The following NRXN1 variants were observed in gnomAD, a reference collection of about 807,000 sequenced individuals.
The protein encoded by NRXN1 is neurexin-1.
NRXN1 carries 39 observed loss-of-function variants against 150.9 expected under a neutral mutation model. The observed-to-expected ratio is 0.26, with a 90% CI of 0.20 to 0.34. The LOEUF (loss-of-function observed/expected upper bound fraction) is 0.34. Among genes scored for constraint, NRXN1 ranks in the 10% least tolerant of loss-of-function variants. The probability of loss-of-function intolerance (pLI) is 1.00; values close to 1 mark genes in which losing one functional copy is unlikely to be tolerated. For missense variants in NRXN1, 1,815 were observed against 1,949.9 expected, an observed-to-expected ratio of 0.93 and a Z score of 1.30; for synonymous variants, 924 against 757.0, an observed-to-expected ratio of 1.22 and a Z score of -3.62.
At chr2:51,031,451 A>T (rs1671535687) in intron 1 of NRXN1, among the ~76,000 whole-genome samples, 1 of 152,138 alleles carries the variant, frequency 6.6e-6, no homozygotes, top group African/African-American at 2.4e-5. Context: ...ATATATATAT[A>T]TATCTTCATA....
chr2:50,101,528 G>A (rs1369433291), intron 18 of NRXN1, among the ~76,000 whole-genome samples: 1 of 152,020 alleles, frequency 6.6e-6, no homozygotes, highest in East Asian at 1.9e-4. Flanking sequence ...ACATTTTTCA[G>A]ACAAATAGAC....
intron 17 of NRXN1, among the ~76,000 whole-genome samples, chr2:50,253,906 T>C (rs572566443): frequency 2.3e-4 from 35 of 150,610 alleles, no homozygotes; most frequent in African/African-American, 8.5e-4. Flanking sequence ...TAGGTTTTGA[T>C]GTCAGGATAA....
At chr2:50,132,706 C>T (rs1038318614) in intron 18 of NRXN1, among the ~76,000 whole-genome samples, 20 of 152,092 alleles carry the variant, frequency 1.3e-4, no homozygotes, top group Non-Finnish European at 2.4e-4. Flanking sequence ...TTGTGTTTCT[C>T]TCTATTCCTT....
At chr2:50,163,468 A>G (rs568518326) in intron 18 of NRXN1, among the ~76,000 whole-genome samples, 60 of 152,140 alleles carry the variant, frequency 3.9e-4, no homozygotes, top group Non-Finnish European at 7.2e-4. Flanking sequence ...TTTAAAGGTT[A>G]TCAAGGCTTT....
chr2:50,220,645 C>T (rs2063812186), intron 18 of NRXN1, among the ~76,000 whole-genome samples: 2 of 152,006 alleles, frequency 1.3e-5, no homozygotes, highest in African/African-American at 4.8e-5. Flanking sequence ...TGCAAAAACC[C>T]ATTTCAAATA....
chr2:50,755,001 C>G (rs1701010899), intron 5 of NRXN1, among the ~76,000 whole-genome samples: 3 of 151,758 alleles, frequency 2.0e-5, no homozygotes, highest in African/African-American at 7.3e-5. Context: ...ACTAGTATCT[C>G]CCATTGATGT....
At chr2:50,294,182 G>A in intron 17 of NRXN1, among the ~76,000 whole-genome samples, 1 of 152,114 alleles carries the variant, frequency 6.6e-6, no homozygotes, top group East Asian at 1.9e-4. Flanking sequence ...AATTTATGGA[G>A]TAAAATAAAG....
chr2:50,253,118 G>A (rs910180473), intron 17 of NRXN1, among the ~76,000 whole-genome samples: 2 of 151,998 alleles, frequency 1.3e-5, no homozygotes, highest in African/African-American at 4.8e-5. Context: ...CCTTGAAGAG[G>A]TCCTTCACTT....
At chr2:50,145,652 T>C (rs1327615782) in intron 18 of NRXN1, among the ~76,000 whole-genome samples, 1 of 151,694 alleles carries the variant, frequency 6.6e-6, no homozygotes, top group Non-Finnish European at 1.5e-5. Context: ...GTGTCACCAT[T>C]GCAACCAAAT....
At chr2:50,650,195 C>A (rs1022162956) in intron 5 of NRXN1, among the ~76,000 whole-genome samples, 4 of 152,020 alleles carry the variant, frequency 2.6e-5, no homozygotes, top group Non-Finnish European at 4.4e-5. Flanking sequence ...GAAAATGCTT[C>A]TGATACTGGG....
intron 8 of NRXN1, among the ~76,000 whole-genome samples, chr2:50,617,586 C>T (rs146646535): frequency 4.4e-4 from 67 of 152,256 alleles, no homozygotes; most frequent in African/African-American, 1.5e-3. Flanking sequence ...CAGACACACA[C>T]CCCAGATGGG....
At chr2:50,071,056 C>T (rs1696223595) in intron 19 of NRXN1, among the ~76,000 whole-genome samples, 1 of 152,158 alleles carries the variant, frequency 6.6e-6, no homozygotes, top group Non-Finnish European at 1.5e-5. Flanking sequence ...TGCTCCATTA[C>T]TAAGGACAAT....
At chr2:50,479,775 T>TTTTC (rs1553673281) in intron 15 of NRXN1, among the ~76,000 whole-genome samples, 1 of 130,124 alleles carries the variant, frequency 7.7e-6, no homozygotes, top group South Asian at 2.7e-4. Context: ...TTCTTTTTTT[T>TTTTC]TTTTTTTTTT....
intron 2 of NRXN1, among the ~76,000 whole-genome samples, chr2:50,974,569 C>T (rs1695528194): frequency 6.6e-6 from 1 of 152,062 alleles, no homozygotes; most frequent in Non-Finnish European, 1.5e-5. Context: ...TTTTTAGTCT[C>T]ATCATAGATA....
rs112160048 is a variant in NRXN1 at position 50,401,953 on chromosome 2, A to G, written c.3364+63489T>C. On this transcript the variant is annotated intron_variant, in intron 17 of 22. Coordinates refer to ENST00000401669, the MANE Select transcript of NRXN1 (RefSeq NM_001330078.2). ...TTAGGGAAGTGACCTCTCTTCCCCT[A>G]TTGACCTGGGAAGGGGCAGAAAAAT... Among the ~76,000 whole-genome samples the G allele has an allele frequency of 2.9e-3, 440 of 152,138 alleles. 3 individuals carry two copies. Among genetic ancestry groups the G allele is most frequent in the African/African-American group, 9.9e-3 (410 of 41,520 alleles).
chr2:50,411,987 T>C (rs1352565113), intron 17 of NRXN1, among the ~76,000 whole-genome samples: 1 of 152,206 alleles, frequency 6.6e-6, no homozygotes, highest in Non-Finnish European at 1.5e-5. Flanking sequence ...TCTTCTGCCT[T>C]GGGATGCTGT....
intron 18 of NRXN1, among the ~76,000 whole-genome samples, chr2:50,182,163 C>G (rs2060769697): frequency 7.2e-6 from 1 of 139,338 alleles, no homozygotes; most frequent in Non-Finnish European, 1.5e-5. Context: ...GCTATTTCCT[C>G]TCTGATTGAC....
intron 5 of NRXN1, among the ~76,000 whole-genome samples, chr2:50,643,161 C>T (rs755275993): frequency 6.6e-6 from 1 of 151,824 alleles, no homozygotes; most frequent in Non-Finnish European, 1.5e-5. Flanking sequence ...ATATTTTTAT[C>T]TTGATTTTGT....
At chr2:50,349,563 T>C (rs2078268045) in intron 17 of NRXN1, among the ~76,000 whole-genome samples, 1 of 152,242 alleles carries the variant, frequency 6.6e-6, no homozygotes, top group African/African-American at 2.4e-5. Context: ...ACTGCATTTT[T>C]GATGCCACCA....
Sources: allele counts gnomAD v4.1 joint callset (sites outside exome capture counted in the v4.1 genomes callset), GRCh38; gene constraint gnomAD v4.1.1; transcripts MANE v1.5; gene names NCBI Gene and HGNC (gene_info 2026-07-23, HGNC 2026-07-21).